NRP1: variants seen among roughly 807,000 people sequenced by gnomAD.
NRP1 encodes neuropilin 1.
NRP1 carries 35 observed loss-of-function variants against 106.7 expected under a neutral mutation model. The ratio of observed to expected loss-of-function variants is 0.33; its 90% confidence interval spans 0.25 to 0.43. NRP1 has a LOEUF of 0.43. Ranked by LOEUF, NRP1 falls within the 20% of genes least tolerant of loss-of-function variation. The pLI is 1.00. For missense variants in NRP1, 1,024 were observed against 1,170.4 expected, an observed-to-expected ratio of 0.87 and a Z score of 1.83; for synonymous variants, 437 against 417.9, an observed-to-expected ratio of 1.05 and a Z score of -0.56.
chr10:33,181,952 A>G (rs111710816), intron 16 of NRP1, among the ~76,000 whole-genome samples: 2,199 of 152,182 alleles, frequency 0.014, 36 homozygotes, highest in Middle Eastern at 0.027. Context: ...CAAAAAAATA[A>G]GTTGAGTGTG....
intron 12 of NRP1, among the ~76,000 whole-genome samples, chr10:33,193,804 G>T (rs189064338): frequency 2.1e-3 from 321 of 152,236 alleles, no homozygotes; most frequent in Non-Finnish European, 3.8e-3. Flanking sequence ...AGATAAGAAT[G>T]ATTTACTTTG....
At chr10:33,283,214 T>C (rs1379605511) in intron 2 of NRP1, among the ~76,000 whole-genome samples, 1 of 152,268 alleles carries the variant, frequency 6.6e-6, no homozygotes, top group Non-Finnish European at 1.5e-5. Flanking sequence ...GAAATGTACA[T>C]GAGAAAAACA....
intron 2 of NRP1, among the ~76,000 whole-genome samples, chr10:33,285,685 A>G (rs566548533): frequency 2.0e-5 from 3 of 151,978 alleles, no homozygotes; most frequent in Non-Finnish European, 4.4e-5. Context: ...CAAAATTACC[A>G]GCCATGGTGG....
At chr10:33,218,370 G>A (rs925227599) in intron 8 of NRP1, among the ~76,000 whole-genome samples, 1 of 137,208 alleles carries the variant, frequency 7.3e-6, no homozygotes, top group African/African-American at 2.8e-5. Context: ...ATGGAATCTT[G>A]CTCTGTTGCC....
intron 16 of NRP1, among the ~76,000 whole-genome samples, chr10:33,180,983 G>A (rs1036204060): frequency 6.6e-6 from 1 of 152,188 alleles, no homozygotes; most frequent in African/African-American, 2.4e-5. Context: ...GGCTCAAATC[G>A]AGAAACCATG....
At chr10:33,211,377 G>A (rs1008221019) in intron 9 of NRP1, 1 of 152,186 alleles carries the variant, frequency 6.6e-6, no homozygotes, top group Non-Finnish European at 1.5e-5. Context: ...AGAGCTCACT[G>A]CTTCTCAGAA....
chr10:33,254,037 C>T lies in NRP1; in HGVS notation c.972G>A (p.Glu324=), dbSNP rs751737800. Reference sequence around the variant, plus strand: ...ATCTTATGCTGCATACCTGTATCCACTCTCGGTAGGAATCCTCTCCGGGAG... The same window carrying T: ...ATCTTATGCTGCATACCTGTATCCATTCTCGGTAGGAATCCTCTCCGGGAG... ...GWTPGEDSYR[E]WIQVDLGLLR... The change falls in exon 6 of 17, where the codon GAG becomes GAA. Residue 324 remains glutamate (E), a synonymous_variant. Coordinates refer to ENST00000374867, the MANE Select transcript of NRP1 (RefSeq NM_003873.7). 6.2e-7 allele frequency: 1 copy of T among 1,608,652 alleles called. No individual in the cohort carries two copies. The highest frequency in any genetic ancestry group is 8.5e-7 in the Non-Finnish European group (1 of 1,178,500).
chr10:33,194,545 C>A lies in NRP1; in HGVS notation c.1925-2127G>T, dbSNP rs878966854. 3.4e-5 allele frequency: 10 copies of A among 290,220 alleles called. No homozygotes were observed. In the South Asian group the frequency reaches 3.5e-4, roughly 10 times the overall value. The allele number at this position is 290,220 out of a possible 1,614,324, so 18.0% of individuals were successfully genotyped here. A position where few individuals can be genotyped will look rare whatever the true frequency, so the allele number is the denominator to read the frequency against. On this transcript the variant is annotated intron_variant, in intron 12 of 16. Transcript: ENST00000374867. Reference sequence around the variant, plus strand: ...GCTTTGCCTGAAAAAATGTTTCAGGCACTTCTCGCTTCAGAGAATGACAGT... The same window carrying A: ...GCTTTGCCTGAAAAAATGTTTCAGGAACTTCTCGCTTCAGAGAATGACAGT...
intron 8 of NRP1, among the ~76,000 whole-genome samples, chr10:33,221,351 G>A (rs1839226833): frequency 5.3e-5 from 8 of 152,210 alleles, no homozygotes. Context: ...GGAGCTTACA[G>A]TCTAGTGGAA....
At chr10:33,213,218 C>T (rs1347671877) in intron 9 of NRP1, 168 bp downstream of exon 9, 2 of 1,542,496 alleles carry the variant, frequency 1.3e-6, no homozygotes. Context: ...ACTTTTCATG[C>T]CATATTCCTG....
At position 33,179,052 on chromosome 10, in the gene NRP1, A is replaced by T. The variant is rs1835523513; in HGVS notation, c.*1024T>A. The T allele has an allele frequency of 1.3e-5, 2 of 152,672 alleles. No homozygotes were observed. Among genetic ancestry groups the T allele is most frequent in the Admixed American group, 1.3e-4 (2 of 15,286 alleles). The allele number at this position is 152,672 out of a possible 1,614,324, so 9.5% of individuals were successfully genotyped here. ...GAAGAGAGTTTACATTTGAAAATAC[A>T]TTCCATATGAAAGAACAATAAGAGA... is the stretch of plus-strand genomic sequence containing the variant. On this transcript the variant is annotated 3_prime_UTR_variant, in exon 17 of 17. Transcript: ENST00000374867.
chr10:33,334,412 C>T lies in NRP1; in HGVS notation c.-30G>A, dbSNP rs1289924761. The T allele has an allele frequency of 1.3e-5, 20 of 1,536,286 alleles. No homozygotes were observed. The highest frequency in any genetic ancestry group is 1.8e-5 in the Non-Finnish European group (20 of 1,141,756). Reference sequence around the variant, plus strand: ...CCTTCTCCGGGTCCGCAGGCAGACGCGGGAGAACGAGGACGTGGGGGGAAA... The same window carrying T: ...CCTTCTCCGGGTCCGCAGGCAGACGTGGGAGAACGAGGACGTGGGGGGAAA... On this transcript the variant is annotated 5_prime_UTR_variant, in exon 1 of 17. Transcript: ENST00000374867.
In NRP1 at chr10:33,186,364, A is replaced by C; in HGVS notation, c.2187T>G (p.Ser729=). ...CCCTGAGTGTGCCGACGTGGGACCC[A>C]GACATGTGATACCAGAAGGTCATGC... is the stretch of plus-strand genomic sequence containing the variant. ...AHCMTFWYHM[S]GSHVGTLRVK... The change falls in exon 14 of 17, where the codon TCT becomes TCG. Residue 729 remains serine (S), a synonymous_variant. Coordinates refer to ENST00000374867, the MANE Select transcript of NRP1 (RefSeq NM_003873.7). 1 of 1,614,126 alleles carries C rather than the reference A, an allele frequency of 6.2e-7. No homozygotes were observed. The highest frequency in any genetic ancestry group is 8.5e-7 in the Non-Finnish European group (1 of 1,180,028).
intron 10 of NRP1, among the ~76,000 whole-genome samples, chr10:33,203,500 TA>T (rs201664744): frequency 6.7e-6 from 1 of 148,596 alleles, no homozygotes; most frequent in African/African-American, 2.5e-5. Context: ...AGTGTTTTTT[TA>T]AAAAAAAACA....
chr10:33,248,529 T>G (rs913063387), intron 6 of NRP1, among the ~76,000 whole-genome samples: 1 of 152,214 alleles, frequency 6.6e-6, no homozygotes, highest in African/African-American at 2.4e-5. Flanking sequence ...CCTACCACAC[T>G]AAGGGCTTTC....
intron 4 of NRP1, among the ~76,000 whole-genome samples, chr10:33,258,482 A>T (rs1842350337): frequency 1.3e-5 from 2 of 152,132 alleles, no homozygotes; most frequent in African/African-American, 4.8e-5. Flanking sequence ...TCATGAAGAA[A>T]ATGAGGAGGA....
chr10:33,301,282 C>T (rs560047125), intron 2 of NRP1, among the ~76,000 whole-genome samples: 1 of 152,124 alleles, frequency 6.6e-6, no homozygotes, highest in South Asian at 2.1e-4. Context: ...TTCTCTTTGG[C>T]CTGAAGTTAG....
intron 6 of NRP1, among the ~76,000 whole-genome samples, chr10:33,249,734 CT>C (rs1841710513): frequency 6.6e-6 from 1 of 152,138 alleles, no homozygotes; most frequent in African/African-American, 2.4e-5. Flanking sequence ...TATGAAGTGG[CT>C]TTTTGAGCAG....
At chr10:33,273,928 C>T (rs1843497502) in intron 2 of NRP1, among the ~76,000 whole-genome samples, 1 of 152,020 alleles carries the variant, frequency 6.6e-6, no homozygotes. Context: ...AAGGTCCCTC[C>T]CCAGACCTCA....
Sources: gnomAD v4.1 joint callset for allele counts (sites outside exome capture counted in the v4.1 genomes callset) on GRCh38, gnomAD v4.1.1 for gene constraint, MANE v1.5 for transcripts, NCBI Gene and HGNC (gene_info 2026-07-23, HGNC 2026-07-21) for gene names.